Variants in PCDH9 observed in about 807,000 individuals in gnomAD.
The protein encoded by PCDH9 is protocadherin 9.
A neutral mutation model predicts 70.6 loss-of-function variants in PCDH9; 24 were observed. The ratio of observed to expected loss-of-function variants is 0.34; its 90% CI spans 0.25 to 0.48. The LOEUF is 0.48. PCDH9 is among the 20% of genes least tolerant of loss of function. The pLI is 0.99. For synonymous variants in PCDH9, 562 were observed against 558.5 expected, an observed-to-expected ratio of 1.01 and a Z score of -0.09; for missense variants, 1,281 against 1,503.6, an observed-to-expected ratio of 0.85 and a Z score of 2.45.
At chr13:67,125,384 G>A (rs1402551146) in intron 2 of PCDH9, among the ~76,000 whole-genome samples, 1 of 152,158 alleles carries the variant, frequency 6.6e-6, no homozygotes, top group Non-Finnish European at 1.5e-5. Flanking sequence ...GTATGGGGGT[G>A]TAGGACATAG....
intron 3 of PCDH9, among the ~76,000 whole-genome samples, chr13:66,690,096 T>G (rs1026391188): frequency 1.3e-5 from 2 of 152,166 alleles, no homozygotes; most frequent in Non-Finnish European, 2.9e-5. Context: ...AAATAAACCA[T>G]GCAATAAGAA....
intron 4 of PCDH9, among the ~76,000 whole-genome samples, chr13:66,516,235 A>C (rs1959728741): frequency 6.6e-6 from 1 of 152,010 alleles, no homozygotes; most frequent in Non-Finnish European, 1.5e-5. Context: ...TATCCAATAG[A>C]TACAACTGGC....
intron 2 of PCDH9, among the ~76,000 whole-genome samples, chr13:66,984,015 A>G (rs1000137505): frequency 2.8e-4 from 43 of 152,118 alleles, no homozygotes; most frequent in Non-Finnish European, 8.8e-5. Flanking sequence ...ACAACTAAAC[A>G]TACAAGAAAG....
intron 2 of PCDH9, chr13:66,914,959 T>C (rs1594253576): frequency 6.6e-6 from 1 of 151,744 alleles, no homozygotes; most frequent in African/African-American, 2.4e-5. Context: ...GAATACAGAA[T>C]GGATATCTCT....
At chr13:66,805,173 T>C (rs1311583095) in intron 3 of PCDH9, among the ~76,000 whole-genome samples, 1 of 152,214 alleles carries the variant, frequency 6.6e-6, no homozygotes, top group East Asian at 1.9e-4. Context: ...TGTTCAATGT[T>C]ACATAAAGTA....
rs75575338 is a variant in PCDH9, at chr13:66,658,210, T to C, written c.3139-26799A>G. On this transcript the variant is annotated intron_variant, in intron 3 of 4. Coordinates refer to ENST00000377865, the MANE Select transcript of PCDH9 (RefSeq NM_203487.3). Reference sequence around the variant, plus strand: ...AGATTTTGGTTGTTTGAATTTTTTGTGTTGAGTGGAAATAATGAATACAAT... The same window carrying C: ...AGATTTTGGTTGTTTGAATTTTTTGCGTTGAGTGGAAATAATGAATACAAT... Among the ~76,000 whole-genome samples, 29 of 152,296 alleles carry C rather than the reference T, an allele frequency of 1.9e-4. No homozygotes were observed. In the East Asian group the frequency reaches 5.0e-3, roughly 26 times the overall value.
At chr13:66,528,892 TA>T (rs1339380227) in intron 4 of PCDH9, among the ~76,000 whole-genome samples, 1 of 152,052 alleles carries the variant, frequency 6.6e-6, no homozygotes, top group Non-Finnish European at 1.5e-5. Flanking sequence ...ATGTGTTTTT[TA>T]AAAAAATAAC....
chr13:66,405,625 G>A (rs900403134), intron 4 of PCDH9, among the ~76,000 whole-genome samples: 1 of 152,126 alleles, frequency 6.6e-6, no homozygotes, highest in Non-Finnish European at 1.5e-5. Context: ...GCTACAGAGG[G>A]TGACTGAGCA....
At chr13:66,849,486 GTATATATATA>G (rs144181181) in intron 3 of PCDH9, among the ~76,000 whole-genome samples, 54 of 90,256 alleles carry the variant, frequency 6.0e-4, no homozygotes, top group South Asian at 2.2e-3. Context: ...TCATAGGTAG[GTATATATATA>G]TATATATATA....
At chr13:66,724,530 A>G (rs2078981308) in intron 3 of PCDH9, among the ~76,000 whole-genome samples, 1 of 152,202 alleles carries the variant, frequency 6.6e-6, no homozygotes, top group Admixed American at 6.5e-5. Context: ...TGTCCAGACC[A>G]TATGTGATAA....
intron 2 of PCDH9, among the ~76,000 whole-genome samples, chr13:67,129,689 T>G (rs928028705): frequency 2.6e-5 from 4 of 151,984 alleles, no homozygotes; most frequent in African/African-American, 9.7e-5. Flanking sequence ...ATATTATATA[T>G]GTATATTCTC....
chr13:66,441,231 C>G (rs900469438), intron 4 of PCDH9, among the ~76,000 whole-genome samples: 8 of 152,148 alleles, frequency 5.3e-5, no homozygotes, highest in African/African-American at 1.9e-4. Flanking sequence ...GGATGAAACA[C>G]TTTCTCTCCA....
At chr13:66,480,373 G>A (rs1958815477) in intron 4 of PCDH9, among the ~76,000 whole-genome samples, 1 of 152,304 alleles carries the variant, frequency 6.6e-6, no homozygotes, top group African/African-American at 2.4e-5. Flanking sequence ...AAGATACTGA[G>A]AACATTGTTG....
intron 2 of PCDH9, among the ~76,000 whole-genome samples, chr13:67,183,646 A>G (rs1490841699): frequency 6.6e-6 from 1 of 152,192 alleles, no homozygotes; most frequent in Non-Finnish European, 1.5e-5. Flanking sequence ...GTTTAAGGTA[A>G]AGGACCAATG....
intron 4 of PCDH9, among the ~76,000 whole-genome samples, chr13:66,496,122 C>T (rs563791057): frequency 2.0e-5 from 3 of 152,268 alleles, no homozygotes; most frequent in South Asian, 4.1e-4. Context: ...TCATTTCCCC[C>T]GATTAGGGAA....
chr13:67,193,514 A>T (rs1315002936), intron 2 of PCDH9, among the ~76,000 whole-genome samples: 1 of 152,126 alleles, frequency 6.6e-6, no homozygotes. Context: ...AATATCTCAA[A>T]TCTTGCCTGA....
intron 2 of PCDH9, among the ~76,000 whole-genome samples, chr13:67,150,833 C>T (rs1388027154): frequency 6.6e-6 from 1 of 152,202 alleles, no homozygotes; most frequent in Non-Finnish European, 1.5e-5. Flanking sequence ...CTTTCCACTG[C>T]ACTACTATTG....
In PCDH9 at chr13:67,216,683, CATATATATATAT is replaced by C. The variant is rs34829318; in HGVS notation, c.3036+8710_3036+8721del. 75 of 90,736 alleles carry C rather than the reference CATATATATATAT, an allele frequency of 8.3e-4. 2 individuals carry two copies. The highest frequency in any genetic ancestry group is 0.026 in the Middle Eastern group (2 of 78). The allele number at this position is 90,736 out of a possible 1,614,324, so 5.6% of individuals were successfully genotyped here. A position where few individuals can be genotyped will look rare whatever the true frequency, so the allele number is the denominator to read the frequency against. Reference sequence around the variant, plus strand: ...CACACTTTGTGGTTGTCTTAAGCAACATATATATATATATATATATATATGGATATATATACG... The same window carrying C: ...CACACTTTGTGGTTGTCTTAAGCAACATATATATATATGGATATATATACG... On this transcript the variant is annotated intron_variant, in intron 2 of 4. Coordinates refer to ENST00000377865, the MANE Select transcript of PCDH9 (RefSeq NM_203487.3).
At chr13:66,930,149 T>C (rs1021288153) in intron 2 of PCDH9, among the ~76,000 whole-genome samples, 1 of 152,190 alleles carries the variant, frequency 6.6e-6, no homozygotes, top group Non-Finnish European at 1.5e-5. Context: ...CAATGTTCTA[T>C]GCACCTTTAT....
Sources: allele counts gnomAD v4.1 joint callset (sites outside exome capture counted in the v4.1 genomes callset), GRCh38; gene constraint gnomAD v4.1.1; transcripts MANE v1.5; gene names NCBI Gene and HGNC (gene_info 2026-07-23, HGNC 2026-07-21).